Variants in CHERP observed in about 807,000 individuals in gnomAD.
CHERP encodes the protein calcium homeostasis endoplasmic reticulum protein.
CHERP carries 8 observed loss-of-function variants against 113.8 expected under a neutral mutation model. That is an observed-to-expected ratio of 0.07 (90% CI 0.04 to 0.13). The LOEUF (loss-of-function observed/expected upper bound fraction) is 0.13, where lower values mean the gene tolerates loss of function less well. CHERP is among the 10% of genes least tolerant of loss of function. The pLI, the probability that CHERP is intolerant of heterozygous loss-of-function variation, is 1.00. For synonymous variants in CHERP, 559 were observed against 524.5 expected, an observed-to-expected ratio of 1.07 and a Z score of -0.90; for missense variants, 884 against 1,298.2, an observed-to-expected ratio of 0.68 and a Z score of 4.90.
At chr19:16,531,509 G>A (rs1471512554) in intron 5 of CHERP, among the ~76,000 whole-genome samples, 2 of 152,218 alleles carry the variant, frequency 1.3e-5, no homozygotes, top group African/African-American at 4.8e-5. Flanking sequence ...CCCTGGGGAG[G>A]GACGCAAGAC....
chr19:16,541,008 T>C (rs777650334), intron 2 of CHERP, among the ~76,000 whole-genome samples: 3 of 152,164 alleles, frequency 2.0e-5, no homozygotes, highest in Non-Finnish European at 4.4e-5. Context: ...CCTTTCAAGC[T>C]GTTTAATCGA....
rs1333479210 is a variant in CHERP, at chr19:16,535,427, G to C, written c.384+25C>G. ...AGGCACAGGGGAGCTGCTGGTGTCTGGCCGAGGAGGCGGCGGGCCCATACC... is the reference window on the plus strand; with the variant it reads ...AGGCACAGGGGAGCTGCTGGTGTCTCGCCGAGGAGGCGGCGGGCCCATACC... On this transcript the variant is annotated intron_variant, in intron 3 of 16. Transcript: ENST00000546361. The surrounding 1 kb of genome is among the most constrained non-coding windows in gnomAD (Gnocchi z 4.3). 6.2e-7 allele frequency: 1 copy of C among 1,600,044 alleles called. No individual in the cohort carries two copies. Among genetic ancestry groups the C allele is most frequent in the Non-Finnish European group, 8.5e-7 (1 of 1,174,038 alleles).
Position 16,529,690 on chromosome 19 carries a change from C to A in CHERP, c.1087G>T (p.Ala363Ser), listed in dbSNP as rs1043349288. The change falls in exon 8 of 17, where the codon GCC (alanine) becomes TCC (serine). Residue 363 changes from alanine (A) to serine (S), a missense_variant. By Grantham distance (99) the Ala-to-Ser change is moderately conservative. Transcript: ENST00000546361. ...ATPPPPAPPPAPAPAPAIPPT... is the reference protein window; with the variant it reads ...ATPPPPAPPPSPAPAPAIPPT... ...GGGATGGCAGGGGCAGGTGCTGGGG[C>A]CGGGGGTGGAGCAGGCGGTGGAGGC... 1 of 1,570,886 alleles carries A rather than the reference C, an allele frequency of 6.4e-7. No individual in the cohort carries two copies. Among genetic ancestry groups the A allele is most frequent in the Non-Finnish European group, 8.6e-7 (1 of 1,163,540 alleles).
At chr19:16,542,200 C>G (rs2085785024) in intron 1 of CHERP, 154 bp downstream of exon 1, 2 of 1,071,984 alleles carry the variant, frequency 1.9e-6, no homozygotes, top group East Asian at 6.3e-5. Flanking sequence ...GCCACACGCT[C>G]GCCGGGAATG....
In CHERP at chr19:16,535,642, G is replaced by A. The variant is rs1568263862; in HGVS notation, c.200-6C>T. The A allele has an allele frequency of 2.7e-6, 4 of 1,503,612 alleles. No homozygotes were observed. In the South Asian group the frequency reaches 5.2e-5, roughly 20 times the overall value. 93.1% of individuals were successfully genotyped at this position (1,503,612 alleles called of 1,614,324 possible). On this transcript the variant is annotated splice_polypyrimidine_tract_variant and splice_region_variant and intron_variant, in intron 2 of 16. Transcript: ENST00000546361. The surrounding 1 kb of genome is among the most constrained non-coding windows in gnomAD (Gnocchi z 4.3). The stretch of plus-strand genomic sequence containing the variant: ...GGTCTGCTGCTTGCAGATGACTGGA[G>A]GGAGAGGAGGAGGGGTGCCCCATGA...
chr19:16,525,857 C>T lies in CHERP; in HGVS notation c.1306-180G>A, dbSNP rs529281492. The stretch of plus-strand genomic sequence containing the variant: ...GCTGGGCACCTGCTCTCAGCCCGCA[C>T]CACATGCTGCTGCAAAATGACCAGA... On this transcript the variant is annotated intron_variant, in intron 9 of 16. Coordinates refer to ENST00000546361, the MANE Select transcript of CHERP (RefSeq NM_006387.6). The surrounding 1 kb of genome is among the most constrained non-coding windows in gnomAD (Gnocchi z 6.5). Among the ~76,000 whole-genome samples the T allele has an allele frequency of 2.6e-5, 4 of 152,288 alleles. No homozygotes were observed. Among genetic ancestry groups the T allele is most frequent in the African/African-American group, 7.2e-5 (3 of 41,556 alleles).
chr19:16,531,391 G>C (rs999747468), intron 5 of CHERP, among the ~76,000 whole-genome samples: 6 of 152,190 alleles, frequency 3.9e-5, no homozygotes, highest in African/African-American at 1.4e-4. Context: ...TGCCCAGCGG[G>C]GGGAGGCGCC....
chr19:16,540,675 C>T (rs1285870125), intron 2 of CHERP, among the ~76,000 whole-genome samples: 1 of 150,130 alleles, frequency 6.7e-6, no homozygotes, highest in Non-Finnish European at 1.5e-5. Context: ...GCCTGGCCTC[C>T]TTTCAAGCCT....
chr19:16,522,781 C>T (rs907488849), intron 11 of CHERP, among the ~76,000 whole-genome samples: 4 of 152,126 alleles, frequency 2.6e-5, no homozygotes, highest in Non-Finnish European at 5.9e-5. Flanking sequence ...AGAGAGGACT[C>T]GAGCCTCATA....
At position 16,525,309 on chromosome 19, in the gene CHERP, TGGCGGGAAGTCGTCCTGCATGAAGCGG is replaced by T. The variant is rs1055833289; in HGVS notation, c.1647_1673del (p.Phe551_Arg559del). 1.4e-6 allele frequency: 2 copies of T among 1,454,452 alleles called. No individual in the cohort carries two copies. Among genetic ancestry groups the T allele is most frequent in the East Asian group, 2.6e-5 (1 of 39,010 alleles). The allele number at this position is 1,454,452 out of a possible 1,614,324, so 90.1% of individuals were successfully genotyped here. A position where few individuals can be genotyped will look rare whatever the true frequency, so the allele number is the denominator to read the frequency against. On this transcript the variant is annotated inframe_deletion, in exon 10 of 17. Coordinates refer to ENST00000546361, the MANE Select transcript of CHERP (RefSeq NM_006387.6). This position sits in a 1 kb window ranked among gnomAD's most constrained non-coding sequence, Gnocchi z 6.5. ...AGGGCGGCCGCTCGAAGGGGTGCCG[TGGCGGGAAGTCGTCCTGCATGAAGCGG>T]GGCGGGAAGCGGTTGAAGTTGTGGG...
In CHERP at chr19:16,530,832, C is replaced by G; in HGVS notation, c.723G>C (p.Val241=). ...AGAAGCTGGTGCAGTAGATGGGCAC[C>G]ACGACCTTCTGCAGGGCGGCCAGCA... is the stretch of plus-strand genomic sequence containing the variant. ...RELLAALQKV[V]VPIYCTSFLA... The change falls in exon 6 of 17, where the codon GTG becomes GTC. Residue 241 remains valine (V), a synonymous_variant. Coordinates refer to ENST00000546361, the MANE Select transcript of CHERP (RefSeq NM_006387.6). The surrounding 1 kb of genome is among the most constrained non-coding windows in gnomAD (Gnocchi z 4.1). The G allele has an allele frequency of 1.2e-6, 2 of 1,613,856 alleles. No individual in the cohort carries two copies. Among genetic ancestry groups the G allele is most frequent in the Non-Finnish European group, 1.7e-6 (2 of 1,179,976 alleles).
intron 9 of CHERP, 146 bp downstream of exon 9, chr19:16,527,934 G>A (rs868778978): frequency 3.7e-6 from 3 of 812,244 alleles, no homozygotes; most frequent in South Asian, 1.8e-5. Flanking sequence ...AGACAGGGCT[G>A]TCACTAACCC....
chr19:16,523,366 C>T lies in CHERP; in HGVS notation c.1742-76G>A. On this transcript the variant is annotated intron_variant, in intron 10 of 16. Transcript: ENST00000546361. The surrounding 1 kb of genome is among the most constrained non-coding windows in gnomAD (Gnocchi z 4.0). Reference sequence around the variant, plus strand: ...GGCGACAAGTGCTGGAGGGGAGGGGCTCAGTGAAGGGCCAGGAGACGAACC... The same window carrying T: ...GGCGACAAGTGCTGGAGGGGAGGGGTTCAGTGAAGGGCCAGGAGACGAACC... The T allele has an allele frequency of 6.4e-7, 1 of 1,554,368 alleles. No individual in the cohort carries two copies. Among genetic ancestry groups the T allele is most frequent in the African/African-American group, 1.4e-5 (1 of 71,860 alleles).
rs377092272 is a variant in CHERP, at chr19:16,542,050, G to A, written c.26-7C>T. ...ACATTTCGAAGCTCCTGGTCTGGAGGACGGAGAAAAGGCCACGCGGGGCGT... is the reference window on the plus strand; with the variant it reads ...ACATTTCGAAGCTCCTGGTCTGGAGAACGGAGAAAAGGCCACGCGGGGCGT... On this transcript the variant is annotated splice_polypyrimidine_tract_variant and splice_region_variant and intron_variant, in intron 1 of 16. Coordinates refer to ENST00000546361, the MANE Select transcript of CHERP (RefSeq NM_006387.6). 305 of 1,607,838 alleles carry A rather than the reference G, an allele frequency of 1.9e-4. No individual in the cohort carries two copies. The highest frequency in any genetic ancestry group is 1.8e-3 in the African/African-American group (132 of 74,618).
In CHERP at chr19:16,532,950, A is replaced by G. The variant is rs12459948; in HGVS notation, c.522+61T>C. On this transcript the variant is annotated intron_variant, in intron 4 of 16. Transcript: ENST00000546361. The surrounding 1 kb of genome is among the most constrained non-coding windows in gnomAD (Gnocchi z 4.4). ...GCCCTTAGCCCAGATTGGCTACGAC[A>G]GGCCCTGCCTCAGGGAGGGACCAAG... The G allele has an allele frequency of 0.01, 15,969 of 1,548,320 alleles. 730 individuals are homozygous for G. The Admixed American group carries it at 0.14, about 13-fold the overall frequency.
chr19:16,518,449 AG>A lies in CHERP; in HGVS notation c.*709del, dbSNP rs754133830. ...AGATAACAGCAAATGGCTACATTCCAGAAAAAAAATATCAACTTATACAACT... is the reference window on the plus strand; with the variant it reads ...AGATAACAGCAAATGGCTACATTCCAAAAAAAAATATCAACTTATACAACT... On this transcript the variant is annotated 3_prime_UTR_variant, in exon 17 of 17. Coordinates refer to ENST00000546361, the MANE Select transcript of CHERP (RefSeq NM_006387.6). 5.3e-5 allele frequency: 8 copies of A among 152,190 alleles called. No individual in the cohort carries two copies. The highest frequency in any genetic ancestry group is 7.3e-5 in the Non-Finnish European group (5 of 68,034). 9.4% of individuals were successfully genotyped at this position (152,190 alleles called of 1,614,324 possible). A position where few individuals can be genotyped will look rare whatever the true frequency, so the allele number is the denominator to read the frequency against.
At chr19:16,540,945 G>A (rs1366842855) in intron 2 of CHERP, among the ~76,000 whole-genome samples, 3 of 152,036 alleles carry the variant, frequency 2.0e-5, no homozygotes, top group Admixed American at 6.6e-5. Flanking sequence ...TGATCTGCCC[G>A]CCTTGGACTC....
intron 8 of CHERP, 101 bp downstream of exon 8, chr19:16,529,547 G>T: frequency 1.4e-6 from 2 of 1,405,222 alleles, no homozygotes; most frequent in South Asian, 1.3e-5. Flanking sequence ...GAGGGAACAA[G>T]AACTGAGTCT....
At chr19:16,526,080 G>A (rs958421451) in intron 9 of CHERP, 1 of 201,184 alleles carries the variant, frequency 5.0e-6, no homozygotes, top group Admixed American at 6.1e-5. Context: ...GCACCCATGG[G>A]GCGGGGCTCA....
Sources: allele counts gnomAD v4.1 joint callset (sites outside exome capture counted in the v4.1 genomes callset), GRCh38; gene constraint gnomAD v4.1.1; non-coding constraint Gnocchi (gnomAD v3.1); transcripts MANE v1.5; gene names NCBI Gene and HGNC (gene_info 2026-07-23, HGNC 2026-07-21).